The following TLCD3B variants were observed in gnomAD, a reference collection of about 807,000 sequenced individuals.
TLCD3B encodes TLC domain containing 3B.
Under a neutral mutation model 23.0 loss-of-function variants are expected in TLCD3B, and 9 were observed. The observed-to-expected ratio is 0.39, with a 90% confidence interval of 0.24 to 0.68. The LOEUF (loss-of-function observed/expected upper bound fraction) is 0.68, where lower values mean the gene tolerates loss of function less well. Among genes scored for constraint, TLCD3B ranks in the 30% least tolerant of loss-of-function variants. The pLI is 0.44. For synonymous variants in TLCD3B, 161 were observed against 161.0 expected, an observed-to-expected ratio of 1.00 and a Z score of 0.00; for missense variants, 307 against 371.8, an observed-to-expected ratio of 0.83 and a Z score of 1.43.
upstream of TLCD3B, among the ~76,000 whole-genome samples, chr16:30,031,682 G>A (rs1027905488): frequency 1.3e-5 from 2 of 152,238 alleles, no homozygotes; most frequent in African/African-American, 2.4e-5. Context: ...CTCAGAGCCA[G>A]AGGCCCCCTC....
chr16:30,027,937 C>T lies in TLCD3B; in HGVS notation c.210-1094G>A, dbSNP rs1167667624. Reference sequence around the variant, plus strand: ...GGCTGAGGCCTCTGAGGATGGGGAGCCTGAGGCAGGCGGCCTGTGAGTGGA... The same window carrying T: ...GGCTGAGGCCTCTGAGGATGGGGAGTCTGAGGCAGGCGGCCTGTGAGTGGA... On this transcript the variant is annotated intron_variant, in intron 2 of 4. Coordinates refer to ENST00000380495, the MANE Select transcript of TLCD3B (RefSeq NM_031478.6). Among the ~76,000 whole-genome samples the T allele has an allele frequency of 2.4e-4, 36 of 152,142 alleles. 1 individual carries two copies. The highest frequency in any genetic ancestry group is 1.5e-5 in the Non-Finnish European group (1 of 68,034).
At chr16:30,030,273 G>A in intron 1 of TLCD3B, 130 bp downstream of exon 1, 7 of 1,164,908 alleles carry the variant, frequency 6.0e-6, no homozygotes, top group Non-Finnish European at 7.4e-6. Context: ...AAGCCTGGGG[G>A]TAAAGCCCCG....
intron 3 of TLCD3B, among the ~76,000 whole-genome samples, chr16:30,038,413 C>T (rs915526006): frequency 2.0e-5 from 3 of 152,184 alleles, no homozygotes; most frequent in Non-Finnish European, 4.4e-5. Flanking sequence ...GATCACGAGA[C>T]TGCACTCCAG....
intron 2 of TLCD3B, among the ~76,000 whole-genome samples, chr16:30,027,890 G>A (rs1199255621): frequency 6.6e-6 from 1 of 152,226 alleles, no homozygotes; most frequent in Admixed American, 6.5e-5. Context: ...GAGGCACGTG[G>A]AGGAGGCTGT....
chr16:30,030,209 G>T (rs570743826), intron 1 of TLCD3B, 194 bp downstream of exon 1: 2 of 1,282,610 alleles, frequency 1.6e-6, no homozygotes, highest in Non-Finnish European at 2.2e-6. Flanking sequence ...CCAGATGGCC[G>T]GGCTGGATGA....
chr16:30,044,198 T>C (rs549381891), intron 2 of TLCD3B, among the ~76,000 whole-genome samples: 2 of 152,010 alleles, frequency 1.3e-5, no homozygotes, highest in African/African-American at 4.8e-5. Context: ...GGTTTCACCA[T>C]GTTGCCCAGG....
chr16:30,036,104 C>T (rs1024485588), upstream of TLCD3B: 2 of 1,238,992 alleles, frequency 1.6e-6, no homozygotes, highest in South Asian at 1.4e-5. Context: ...CTTCTGCATG[C>T]CCCGCCCGCC....
intron 2 of TLCD3B, among the ~76,000 whole-genome samples, chr16:30,042,403 T>C (rs1567309021): frequency 6.6e-6 from 1 of 152,062 alleles, no homozygotes; most frequent in Non-Finnish European, 1.5e-5. Context: ...TTTGTATTTT[T>C]AGTAGAGACG....
chr16:30,024,907 C>T lies in TLCD3B; in HGVS notation c.*276G>A, dbSNP rs1000318863. The T allele has an allele frequency of 3.2e-5, 13 of 402,272 alleles. No individual in the cohort carries two copies. The highest frequency in any genetic ancestry group is 4.8e-5 in the Non-Finnish European group (11 of 228,078). 24.9% of individuals were successfully genotyped at this position (402,272 alleles called of 1,614,324 possible). ...CCCTTGAAACCCTGTTGGTGTCCCT[C>T]CCCACAAGCCCTCCTGCCCTCAGTG... On this transcript the variant is annotated 3_prime_UTR_variant, in exon 5 of 5. Coordinates refer to ENST00000380495, the MANE Select transcript of TLCD3B (RefSeq NM_031478.6).
upstream of TLCD3B, among the ~76,000 whole-genome samples, chr16:30,031,930 G>A (rs1027463924): frequency 5.3e-5 from 8 of 152,180 alleles, no homozygotes; most frequent in Non-Finnish European, 8.8e-5. Context: ...GCGAGAGCGC[G>A]GGGCAGCTGC....
At chr16:30,030,298 C>A in intron 1 of TLCD3B, 105 bp downstream of exon 1, 4 of 1,250,346 alleles carry the variant, frequency 3.2e-6, no homozygotes, top group Non-Finnish European at 4.5e-6. Context: ...CCCACAGGAG[C>A]TCCCAGTCCC....
intron 1 of TLCD3B, 64 bp downstream of exon 1, chr16:30,030,339 T>C: frequency 6.9e-7 from 1 of 1,443,794 alleles, no homozygotes; most frequent in Non-Finnish European, 9.4e-7. Context: ...AAGTGCCAGG[T>C]CCCTTCCATT....
At chr16:30,053,038 G>A (rs1032958435), upstream of TLCD3B, 1 of 152,326 alleles carries the variant, frequency 6.6e-6, no homozygotes, top group African/African-American at 2.4e-5. Flanking sequence ...TAGGCGGGAA[G>A]AGGGAGGCGC....
intron 2 of TLCD3B, chr16:30,027,792 G>A: frequency 7.5e-6 from 3 of 400,268 alleles, no homozygotes; most frequent in Non-Finnish European, 1.5e-5. Flanking sequence ...GGTGGGGGCA[G>A]GAGGTCAGAG....
In TLCD3B at chr16:30,025,122, C is replaced by T; in HGVS notation, c.*61G>A. The T allele has an allele frequency of 8.4e-7, 1 of 1,193,026 alleles. No homozygotes were observed. The highest frequency in any genetic ancestry group is 1.1e-6 in the Non-Finnish European group (1 of 881,928). The allele number at this position is 1,193,026 out of a possible 1,614,324, so 73.9% of individuals were successfully genotyped here. On this transcript the variant is annotated 3_prime_UTR_variant, in exon 5 of 5. Transcript: ENST00000380495. This position sits in a 1 kb window ranked among gnomAD's most constrained non-coding sequence, Gnocchi z 4.1. ...CCTGGCTCCCAACCCCAGCCATCAG[C>T]CCCAGAGCCCTGTCTCCACGGGGGT...
intron 1 of TLCD3B, among the ~76,000 whole-genome samples, chr16:30,052,240 C>T (rs1054888341): frequency 6.6e-6 from 1 of 151,028 alleles, no homozygotes; most frequent in African/African-American, 2.4e-5. Flanking sequence ...TGGTGGCAGT[C>T]GCCTGTAATC....
At position 30,030,827 on chromosome 16, in the gene TLCD3B, G is replaced by A. The variant is rs890231560; in HGVS notation, c.-300C>T. 1 of 1,076,014 alleles carries A rather than the reference G, an allele frequency of 9.3e-7. No homozygotes were observed. Among genetic ancestry groups the A allele is most frequent in the Non-Finnish European group, 1.1e-6 (1 of 888,838 alleles). 66.7% of individuals were successfully genotyped at this position (1,076,014 alleles called of 1,614,324 possible). ...AGGGGATGGCTTGGTGAGGGACAGA[G>A]AGGAAGAGGGGACAGGAGGAGGAGG... is the stretch of plus-strand genomic sequence containing the variant. On this transcript the variant is annotated 5_prime_UTR_variant, in exon 1 of 5. Transcript: ENST00000380495.
At chr16:30,041,860 T>C (rs1272423735) in intron 2 of TLCD3B, among the ~76,000 whole-genome samples, 2 of 152,050 alleles carry the variant, frequency 1.3e-5, no homozygotes, top group African/African-American at 2.4e-5. Context: ...TGACTTACTA[T>C]ATGCAGTGCC....
At position 30,025,644 on chromosome 16, in the gene TLCD3B, A is replaced by G; in HGVS notation, c.540+82T>C. 1.3e-6 allele frequency: 2 copies of G among 1,502,066 alleles called. No individual in the cohort carries two copies. The highest frequency in any genetic ancestry group is 2.2e-5 in the South Asian group (2 of 88,932). 93.0% of individuals were successfully genotyped at this position (1,502,066 alleles called of 1,614,324 possible). On this transcript the variant is annotated intron_variant, in intron 4 of 4. Coordinates refer to ENST00000380495, the MANE Select transcript of TLCD3B (RefSeq NM_031478.6). This position sits in a 1 kb window ranked among gnomAD's most constrained non-coding sequence, Gnocchi z 4.1. ...GAGGGGGGGATGACGAAGGGGCTAG[A>G]GCCCTTGGCAGCAACCTTGAAGGTC...
Sources: allele counts gnomAD v4.1 joint callset (sites outside exome capture counted in the v4.1 genomes callset), GRCh38; gene constraint gnomAD v4.1.1; non-coding constraint Gnocchi (gnomAD v3.1); transcripts MANE v1.5; gene names NCBI Gene and HGNC (gene_info 2026-07-23, HGNC 2026-07-21).